Variants in LRMDA observed in about 807,000 individuals in gnomAD.
LRMDA encodes the protein leucine rich melanocyte differentiation associated, also known as leucine-rich melanocyte differentiation-associated protein.
A neutral mutation model predicts 29.8 loss-of-function variants in LRMDA; 18 were observed. That is an observed-to-expected ratio of 0.60 (90% CI 0.42 to 0.90). The LOEUF is 0.90. Ranked by LOEUF, LRMDA falls within the 40% of genes least tolerant of loss-of-function variation. The pLI is 0.00. For synonymous variants in LRMDA, 125 were observed against 109.4 expected (o/e 1.14, Z -0.89); for missense variants, 273 against 273.9 (o/e 1.00, Z 0.02).
chr10:76,130,948 C>A (rs927394111), intron 5 of LRMDA, among the ~76,000 whole-genome samples: 1 of 152,172 alleles, frequency 6.6e-6, no homozygotes, highest in Non-Finnish European at 1.5e-5. Context: ...CAGGTGTGAG[C>A]CACCATGCCT....
chr10:75,490,509 T>G (rs1844973506), intron 2 of LRMDA, among the ~76,000 whole-genome samples: 1 of 152,216 alleles, frequency 6.6e-6, no homozygotes, highest in African/African-American at 2.4e-5. Flanking sequence ...TCATTTAACC[T>G]AATTCTAAGC....
intron 6 of LRMDA, among the ~76,000 whole-genome samples, chr10:76,552,881 C>G (rs1337739932): frequency 6.6e-6 from 1 of 152,188 alleles, no homozygotes; most frequent in Non-Finnish European, 1.5e-5. Context: ...ATCTCTGGTA[C>G]TGACCCTGCA....
At chr10:76,358,128 C>T (rs553876682) in intron 6 of LRMDA, among the ~76,000 whole-genome samples, 271 of 152,232 alleles carry the variant, frequency 1.8e-3, no homozygotes, top group Non-Finnish European at 2.6e-3. Context: ...TAAATGGCCT[C>T]AAGCAAGCTA....
At chr10:76,422,688 A>G (rs986297806) in intron 6 of LRMDA, among the ~76,000 whole-genome samples, 6 of 152,192 alleles carry the variant, frequency 3.9e-5, no homozygotes, top group African/African-American at 9.6e-5. Context: ...TTTTATTAAT[A>G]GAGCTGTTTT....
At chr10:75,775,979 A>C (rs1329194322) in intron 2 of LRMDA, among the ~76,000 whole-genome samples, 2 of 152,184 alleles carry the variant, frequency 1.3e-5, no homozygotes, top group African/African-American at 4.8e-5. Flanking sequence ...TGCTATGAAT[A>C]CCCAGCTTGA....
intron 2 of LRMDA, among the ~76,000 whole-genome samples, chr10:75,727,952 T>C (rs2132194699): frequency 6.6e-6 from 1 of 152,312 alleles, no homozygotes; most frequent in South Asian, 2.1e-4. Flanking sequence ...TTGATTTTTT[T>C]CCCCTTAATA....
intron 5 of LRMDA, among the ~76,000 whole-genome samples, chr10:76,128,275 C>T (rs1849921317): frequency 6.6e-6 from 1 of 152,152 alleles, no homozygotes; most frequent in African/African-American, 2.4e-5. Context: ...GACCCTGGGA[C>T]AGCTCCCAAG....
intron 2 of LRMDA, among the ~76,000 whole-genome samples, chr10:75,768,753 A>G (rs763488218): frequency 5.3e-5 from 8 of 152,218 alleles, no homozygotes; most frequent in Non-Finnish European, 8.8e-5. Flanking sequence ...GTTCTTTAGT[A>G]TAAAAAGTAA....
chr10:76,136,600 A>G (rs796507172), intron 5 of LRMDA, among the ~76,000 whole-genome samples: 6 of 107,970 alleles, frequency 5.6e-5, no homozygotes, highest in African/African-American at 2.2e-4. Flanking sequence ...ATACAAGTGA[A>G]CTTTTAAACA....
intron 2 of LRMDA, among the ~76,000 whole-genome samples, chr10:75,917,841 G>T (rs1845959896): frequency 6.6e-6 from 1 of 152,172 alleles, no homozygotes; most frequent in South Asian, 2.1e-4. Flanking sequence ...CATAAATTCA[G>T]AATAATGGTA....
intron 2 of LRMDA, among the ~76,000 whole-genome samples, chr10:76,004,665 G>C (rs537269373): frequency 2.0e-5 from 3 of 152,110 alleles, no homozygotes; most frequent in Non-Finnish European, 4.4e-5. Flanking sequence ...TAGTGTAGGG[G>C]ATTAAGGAAC....
chr10:76,518,597 C>A (rs1843087692), intron 6 of LRMDA, among the ~76,000 whole-genome samples: 1 of 151,972 alleles, frequency 6.6e-6, no homozygotes, highest in African/African-American at 2.4e-5. Context: ...ATAATGGTTT[C>A]ATATTATGTC....
intron 2 of LRMDA, among the ~76,000 whole-genome samples, chr10:75,805,908 G>T (rs920834805): frequency 2.6e-5 from 4 of 152,126 alleles, no homozygotes; most frequent in African/African-American, 9.7e-5. Flanking sequence ...TTCTTGCCTT[G>T]CTCTAGAGAA....
At chr10:75,580,549 C>T (rs1840574881) in intron 2 of LRMDA, among the ~76,000 whole-genome samples, 1 of 152,152 alleles carries the variant, frequency 6.6e-6, no homozygotes, top group Non-Finnish European at 1.5e-5. Flanking sequence ...ACTTTCTTCA[C>T]AGAATTGGAA....
At chr10:76,094,273 G>C (rs992139191) in intron 5 of LRMDA, among the ~76,000 whole-genome samples, 4 of 152,088 alleles carry the variant, frequency 2.6e-5, no homozygotes, top group African/African-American at 9.7e-5. Context: ...AGATAAGTTA[G>C]AAAATGAATA....
chr10:76,539,984 T>TCA (rs35952483), intron 6 of LRMDA, among the ~76,000 whole-genome samples: 6,761 of 150,182 alleles, frequency 0.045, 207 homozygotes, highest in Middle Eastern at 0.059. Flanking sequence ...ATCAACATGT[T>TCA]CACACACACA....
At chr10:75,881,038 T>C (rs1845285767) in intron 2 of LRMDA, among the ~76,000 whole-genome samples, 1 of 152,210 alleles carries the variant, frequency 6.6e-6, no homozygotes, top group Non-Finnish European at 1.5e-5. Flanking sequence ...TCTTAGTAGC[T>C]CTTTCTAGTG....
At chr10:76,479,475 G>A (rs540850956) in intron 6 of LRMDA, among the ~76,000 whole-genome samples, 26 of 151,910 alleles carry the variant, frequency 1.7e-4, no homozygotes, top group East Asian at 1.4e-3. Context: ...ATTTTGGGGG[G>A]TCCTATGAAG....
chr10:76,020,530 T>C (rs1847956932), intron 2 of LRMDA, among the ~76,000 whole-genome samples: 1 of 152,200 alleles, frequency 6.6e-6, no homozygotes, highest in Non-Finnish European at 1.5e-5. Flanking sequence ...CCTGATGTTC[T>C]TTTTATTCCT....
Sources: allele counts gnomAD v4.1 joint callset (sites outside exome capture counted in the v4.1 genomes callset), GRCh38; gene constraint gnomAD v4.1.1; transcripts MANE v1.5; gene names NCBI Gene and HGNC (gene_info 2026-07-23, HGNC 2026-07-21).